PLEKHH2: variants seen among roughly 807,000 people sequenced by gnomAD.
PLEKHH2 encodes the protein pleckstrin homology, MyTH4 and FERM domain containing H2.
Under a neutral mutation model 187.9 loss-of-function variants are expected in PLEKHH2, and 129 were observed. That is an observed-to-expected ratio of 0.69 (90% CI 0.59 to 0.79). The LOEUF (loss-of-function observed/expected upper bound fraction) is 0.79. PLEKHH2 is among the 30% of genes least tolerant of loss of function. PLEKHH2 has a pLI of 0.00. For synonymous variants in PLEKHH2, 686 were observed against 605.6 expected, an observed-to-expected ratio of 1.13 and a Z score of -1.95; for missense variants, 2,076 against 1,751.2, an observed-to-expected ratio of 1.19 and a Z score of -3.31.
chr2:43,686,591 A>G (rs758035946), intron 3 of PLEKHH2, among the ~76,000 whole-genome samples: 1 of 152,212 alleles, frequency 6.6e-6, no homozygotes, highest in Non-Finnish European at 1.5e-5. Flanking sequence ...GCTTTGCTAT[A>G]TGAGGCCCAC....
intron 15 of PLEKHH2, among the ~76,000 whole-genome samples, chr2:43,719,584 T>A (rs556319554): frequency 6.6e-6 from 1 of 152,162 alleles, no homozygotes; most frequent in South Asian, 2.1e-4. Flanking sequence ...GAACTACAGA[T>A]GTCCACCACC....
intron 3 of PLEKHH2, among the ~76,000 whole-genome samples, chr2:43,684,533 G>A (rs941762342): frequency 1.2e-4 from 18 of 150,950 alleles, no homozygotes; most frequent in Middle Eastern, 3.4e-3. Flanking sequence ...ATCTACACCC[G>A]CCCCCCACCG....
At position 43,700,097 on chromosome 2, in the gene PLEKHH2, A is replaced by G. The variant is rs1410606922; in HGVS notation, c.1139A>G (p.Asp380Gly). ...TCTGAATTAAGTAAAAAGGAACAAG[A>G]TAGTTCCTCGGATGAACTGAATAAA... is the stretch of plus-strand genomic sequence containing the variant. ...GNSELSKKEQDSSSDELNKKF... is the reference protein window; with the variant it reads ...GNSELSKKEQGSSSDELNKKF... Residue 380 changes from aspartate (D) to glycine (G), a missense_variant, in exon 8 of 30, where the codon GAT (aspartate) becomes GGT (glycine). Physicochemically the swap from Asp to Gly is moderately conservative, Grantham distance 94 (BLOSUM62 -1). Coordinates refer to ENST00000282406, the MANE Select transcript of PLEKHH2 (RefSeq NM_172069.4). The G allele has an allele frequency of 5.0e-6, 8 of 1,613,966 alleles. No individual in the cohort carries two copies. Among genetic ancestry groups the G allele is most frequent in the African/African-American group, 2.7e-5 (2 of 74,898 alleles).
At chr2:43,690,831 C>G (rs1668756423) in intron 3 of PLEKHH2, among the ~76,000 whole-genome samples, 2 of 152,268 alleles carry the variant, frequency 1.3e-5, no homozygotes, top group East Asian at 3.9e-4. Flanking sequence ...GCTGAGGCAT[C>G]CAATCAACTA....
At chr2:43,754,942 G>T (rs1572665798) in intron 25 of PLEKHH2, among the ~76,000 whole-genome samples, 1 of 130,798 alleles carries the variant, frequency 7.6e-6, no homozygotes, top group South Asian at 2.5e-4. Context: ...GCACAATCTT[G>T]GCTCACTGTA....
chr2:43,695,982 T>C (rs1393382971), intron 6 of PLEKHH2, among the ~76,000 whole-genome samples: 3 of 152,172 alleles, frequency 2.0e-5, no homozygotes, highest in African/African-American at 7.2e-5. Flanking sequence ...GTTACTTGCA[T>C]GCAAATGTCA....
At chr2:43,738,928 G>C (rs1671428813) in intron 20 of PLEKHH2, among the ~76,000 whole-genome samples, 1 of 152,130 alleles carries the variant, frequency 6.6e-6, no homozygotes, top group African/African-American at 2.4e-5. Context: ...TTTCGCTCTT[G>C]TTGCCCAGGC....
At chr2:43,646,327 C>A (rs1666183269) in intron 2 of PLEKHH2, among the ~76,000 whole-genome samples, 1 of 152,096 alleles carries the variant, frequency 6.6e-6, no homozygotes, top group African/African-American at 2.4e-5. Flanking sequence ...TATTTTCCAA[C>A]AACCCCAACT....
chr2:43,739,510 G>GAA (rs1452084995), intron 20 of PLEKHH2, among the ~76,000 whole-genome samples: 1 of 152,172 alleles, frequency 6.6e-6, no homozygotes, highest in Non-Finnish European at 1.5e-5. Context: ...TTGTGAGACC[G>GAA]AAGCTTATAC....
chr2:43,754,186 A>G (rs1430007597), intron 25 of PLEKHH2, among the ~76,000 whole-genome samples: 4 of 126,082 alleles, frequency 3.2e-5, no homozygotes, highest in Admixed American at 2.4e-4. Flanking sequence ...ACACACACAC[A>G]CACACACACA....
intron 2 of PLEKHH2, among the ~76,000 whole-genome samples, chr2:43,654,491 G>A (rs965526516): frequency 2.6e-5 from 4 of 151,644 alleles, no homozygotes; most frequent in East Asian, 2.0e-4. Flanking sequence ...CACTGCGCCC[G>A]GCCAGGTGTT....
chr2:43,699,631 A>G lies in PLEKHH2; in HGVS notation c.689-16A>G, dbSNP rs772094973. On this transcript the variant is annotated splice_polypyrimidine_tract_variant and intron_variant, in intron 7 of 29. Coordinates refer to ENST00000282406, the MANE Select transcript of PLEKHH2 (RefSeq NM_172069.4). The stretch of plus-strand genomic sequence containing the variant: ...TTCTTAAAGGCAGCATGCTGATATG[A>G]TGTATCCTTTTCTAGAAATGGAAAT... 1.2e-6 allele frequency: 2 copies of G among 1,607,392 alleles called. No individual in the cohort carries two copies. Among genetic ancestry groups the G allele is most frequent in the Admixed American group, 3.4e-5 (2 of 59,062 alleles).
In PLEKHH2 at chr2:43,678,888, T is replaced by C. The variant is rs1156890949; in HGVS notation, c.149T>C (p.Ile50Thr). ...ATGCAACAGCTTGAGAGACAAGTTA[T>C]TGATGCTGAACGTCAAGCAGAAAAA... ...EKMQQLERQVIDAERQAEKAF... is the reference protein window; with the variant it reads ...EKMQQLERQVTDAERQAEKAF... Residue 50 changes from isoleucine to threonine, a missense_variant, in exon 3 of 30, where the codon ATT becomes ACT. Ile to Thr is a moderately conservative substitution (Grantham distance 89). Coordinates refer to ENST00000282406, the MANE Select transcript of PLEKHH2 (RefSeq NM_172069.4). 3 of 1,607,918 alleles carry C rather than the reference T, an allele frequency of 1.9e-6. No homozygotes were observed. The highest frequency in any genetic ancestry group is 1.1e-5 in the South Asian group (1 of 90,258).
chr2:43,666,527 C>G (rs146692431), intron 2 of PLEKHH2, among the ~76,000 whole-genome samples: 81 of 152,280 alleles, frequency 5.3e-4, no homozygotes, highest in Middle Eastern at 3.4e-3. Flanking sequence ...AAGAAACTGC[C>G]GAACTGTTTC....
chr2:43,715,303 C>T (rs1204939968), intron 15 of PLEKHH2, among the ~76,000 whole-genome samples: 1 of 151,752 alleles, frequency 6.6e-6, no homozygotes, highest in East Asian at 1.9e-4. Context: ...AAAAAAAAAT[C>T]TCGAAGCAGT....
At chr2:43,692,404 C>T in intron 3 of PLEKHH2, 110 bp from the exon 4 acceptor site, 6 of 845,122 alleles carry the variant, frequency 7.1e-6, no homozygotes, top group South Asian at 2.1e-5. Flanking sequence ...TAATATTTTC[C>T]TTTTTGAAGT....
intron 15 of PLEKHH2, among the ~76,000 whole-genome samples, chr2:43,720,415 G>A (rs1002063297): frequency 9.9e-5 from 15 of 152,236 alleles, no homozygotes; most frequent in Admixed American, 9.8e-4. Flanking sequence ...GTACCCGATA[G>A]GTAGCTTTTT....
chr2:43,676,129 C>G, intron 2 of PLEKHH2: 15 of 1,614,010 alleles, frequency 9.3e-6, no homozygotes, highest in African/African-American at 1.3e-5. Context: ...AATACTTTTA[C>G]TGAGCTCCAA....
intron 11 of PLEKHH2, among the ~76,000 whole-genome samples, chr2:43,708,130 C>G (rs1304749560): frequency 6.6e-6 from 1 of 152,150 alleles, no homozygotes; most frequent in Non-Finnish European, 1.5e-5. Flanking sequence ...TACTTCCAAT[C>G]CCCTCGGCTT....
Sources: allele counts gnomAD v4.1 joint callset (sites outside exome capture counted in the v4.1 genomes callset), GRCh38; gene constraint gnomAD v4.1.1; transcripts MANE v1.5; gene names NCBI Gene and HGNC (gene_info 2026-07-23, HGNC 2026-07-21).